Variants in RBFOX1 observed in about 807,000 individuals in gnomAD.
RBFOX1 encodes RNA binding fox-1 homolog 1.
Under a neutral mutation model 57.7 loss-of-function variants are expected in RBFOX1, and 8 were observed. The ratio of observed to expected loss-of-function variants is 0.14; its 90% CI spans 0.08 to 0.25. The LOEUF is 0.25. RBFOX1 is among the 10% of genes least tolerant of loss of function. The pLI is 1.00. For missense variants in RBFOX1, 611 were observed against 548.5 expected (o/e 1.11, Z -1.14); for synonymous variants, 326 against 222.4 (o/e 1.47, Z -4.15).
intron 2 of RBFOX1, chr16:6,483,611 A>T: frequency 2.6e-6 from 3 of 1,171,766 alleles, no homozygotes; most frequent in Non-Finnish European, 2.2e-6. Flanking sequence ...AGAGGGAGGG[A>T]GGGAAGGGAG....
At position 7,710,919 on chromosome 16, in the gene RBFOX1, T is replaced by C. The variant is rs1301434768; in HGVS notation, c.*174T>C. 7.9e-6 allele frequency: 6 copies of C among 758,152 alleles called. No individual in the cohort carries two copies. Among genetic ancestry groups the C allele is most frequent in the Non-Finnish European group, 1.1e-5 (6 of 539,968 alleles). The allele number at this position is 758,152 out of a possible 1,614,324, so 47.0% of individuals were successfully genotyped here. On this transcript the variant is annotated 3_prime_UTR_variant, in exon 16 of 16. Transcript: ENST00000550418. ...CTTATACCTCAGATATTTTGTTCTG[T>C]GTATTTTAATATTGTGGGTCTTTAA... is the stretch of plus-strand genomic sequence containing the variant.
rs148458105 is a variant in RBFOX1, at chr16:5,994,224, C to T, written c.351+126889C>T. Among the ~76,000 whole-genome samples the T allele has an allele frequency of 9.4e-4, 143 of 152,306 alleles. 1 individual carries two copies. The highest frequency in any genetic ancestry group is 3.1e-3 in the African/African-American group (129 of 41,568). On this transcript the variant is annotated intron_variant, in intron 4 of 19. Coordinates refer to the RBFOX1 transcript ENST00000641259. ...TCACCCAGGTTGAAGTACAGTGGTG[C>T]AATCTTGGCTCACTGCAACCTCTGC... is the stretch of plus-strand genomic sequence containing the variant.
chr16:7,070,175 G>C (rs1375758066), intron 4 of RBFOX1, among the ~76,000 whole-genome samples: 1 of 152,128 alleles, frequency 6.6e-6, no homozygotes, highest in African/African-American at 2.4e-5. Flanking sequence ...CTTGAGTTTG[G>C]CTCACTGAGC....
At chr16:5,666,568 C>T (rs939179456) in intron 3 of RBFOX1, among the ~76,000 whole-genome samples, 7 of 152,170 alleles carry the variant, frequency 4.6e-5, no homozygotes, top group Admixed American at 1.3e-4. Context: ...ATATTAAATA[C>T]GTACCTAAGC....
chr16:5,311,668 C>T (rs573405894), intron 1 of RBFOX1, among the ~76,000 whole-genome samples: 3 of 152,234 alleles, frequency 2.0e-5, no homozygotes, highest in Admixed American at 1.3e-4. Flanking sequence ...GAATTTTTTC[C>T]TATGTTTGTT....
At chr16:6,257,111 T>C (rs1248961218) in intron 1 of RBFOX1, among the ~76,000 whole-genome samples, 2 of 152,142 alleles carry the variant, frequency 1.3e-5, no homozygotes, top group African/African-American at 4.8e-5. Context: ...TTTTTCTTTT[T>C]TTAATTTCAT....
At chr16:7,236,401 G>A (rs995727255) in intron 4 of RBFOX1, among the ~76,000 whole-genome samples, 3 of 152,030 alleles carry the variant, frequency 2.0e-5, no homozygotes, top group African/African-American at 7.2e-5. Context: ...CTCTTTTAAG[G>A]TATTGTCACA....
At chr16:5,383,925 G>A (rs2066193703) in intron 1 of RBFOX1, among the ~76,000 whole-genome samples, 1 of 152,190 alleles carries the variant, frequency 6.6e-6, no homozygotes, top group Non-Finnish European at 1.5e-5. Context: ...GTGTCATCAG[G>A]ACTCAGGTTT....
intron 4 of RBFOX1, among the ~76,000 whole-genome samples, chr16:7,078,168 T>G (rs1301823559): frequency 6.6e-6 from 1 of 152,138 alleles, no homozygotes; most frequent in Non-Finnish European, 1.5e-5. Flanking sequence ...ATTTCAAAAG[T>G]CATCGTTTTC....
Position 7,490,879 on chromosome 16 carries a change from C to T in RBFOX1, c.28-27268C>T, listed in dbSNP as rs186205315. ...TCTGATTCTCATTGTTTTGCTCTGACATTAGGGTGTCTTTATCAGCCTAAG... is the reference window on the plus strand; with the variant it reads ...TCTGATTCTCATTGTTTTGCTCTGATATTAGGGTGTCTTTATCAGCCTAAG... On this transcript the variant is annotated intron_variant, in intron 4 of 15. Transcript: ENST00000550418. Among the ~76,000 whole-genome samples the T allele has an allele frequency of 2.0e-5, 3 of 152,304 alleles. No homozygotes were observed. The East Asian group carries it at 5.8e-4, about 29-fold the overall frequency.
chr16:6,401,874 C>T (rs1473126275), intron 2 of RBFOX1, among the ~76,000 whole-genome samples: 2 of 151,722 alleles, frequency 1.3e-5, no homozygotes, highest in Non-Finnish European at 2.9e-5. Context: ...ATCAATAACC[C>T]TGTGATGGAG....
At chr16:5,662,079 C>A (rs1300308050) in intron 3 of RBFOX1, among the ~76,000 whole-genome samples, 2 of 152,156 alleles carry the variant, frequency 1.3e-5, no homozygotes, top group Non-Finnish European at 2.9e-5. Flanking sequence ...AGCTACCGCG[C>A]CCGGCCAAAA....
At chr16:7,690,689 G>A (rs538296911) in intron 14 of RBFOX1, among the ~76,000 whole-genome samples, 62 of 151,966 alleles carry the variant, frequency 4.1e-4, no homozygotes, top group African/African-American at 1.5e-3. Flanking sequence ...TTCTGAAGTT[G>A]TTTGGATATA....
intron 2 of RBFOX1, among the ~76,000 whole-genome samples, chr16:5,532,632 G>A (rs1435340792): frequency 6.6e-6 from 1 of 152,204 alleles, no homozygotes; most frequent in African/African-American, 2.4e-5. Context: ...CAAAGATAGA[G>A]GTTCTTTGCT....
intron 2 of RBFOX1, among the ~76,000 whole-genome samples, chr16:6,470,532 T>C (rs1293179549): frequency 6.6e-6 from 1 of 152,354 alleles, no homozygotes; most frequent in East Asian, 1.9e-4. Flanking sequence ...TTCAGCTCTC[T>C]ATGTGCATGA....
chr16:6,805,844 T>A (rs142901067), intron 3 of RBFOX1, among the ~76,000 whole-genome samples: 414 of 152,266 alleles, frequency 2.7e-3, no homozygotes, highest in African/African-American at 9.5e-3. Flanking sequence ...TCTCCGCCTT[T>A]CTCCTTACAG....
At chr16:5,251,895 T>TAA (rs1029058234) in intron 1 of RBFOX1, among the ~76,000 whole-genome samples, 1 of 146,576 alleles carries the variant, frequency 6.8e-6, no homozygotes, top group African/African-American at 2.5e-5. Context: ...ACTTCAAGTT[T>TAA]AAAAAAAAAA....
intron 1 of RBFOX1, among the ~76,000 whole-genome samples, chr16:6,226,187 G>C (rs2097416002): frequency 7.5e-6 from 1 of 132,996 alleles, no homozygotes; most frequent in Non-Finnish European, 1.6e-5. Context: ...GTGAAACCCA[G>C]TCTGTACTAA....
intron 7 of RBFOX1, among the ~76,000 whole-genome samples, chr16:7,594,786 G>T (rs1250835384): frequency 1.3e-5 from 2 of 152,110 alleles, no homozygotes; most frequent in Non-Finnish European, 2.9e-5. Context: ...TCCCTTTCTG[G>T]TTAACAAAGT....
Sources: allele counts gnomAD v4.1 joint callset (sites outside exome capture counted in the v4.1 genomes callset), GRCh38; gene constraint gnomAD v4.1.1; transcripts MANE v1.5; gene names NCBI Gene and HGNC (gene_info 2026-07-23, HGNC 2026-07-21).